TLE5: variants seen among roughly 807,000 people sequenced by gnomAD.
The protein encoded by TLE5 is TLE family member 5.
A neutral mutation model predicts 25.8 loss-of-function variants in TLE5; 7 were observed. The ratio of observed to expected loss-of-function variants is 0.27; its 90% CI spans 0.15 to 0.51. The LOEUF (loss-of-function observed/expected upper bound fraction) is 0.51, where lower values mean the gene tolerates loss of function less well. Among genes scored for constraint, TLE5 ranks in the 20% least tolerant of loss-of-function variants. The pLI is 0.97. For synonymous variants in TLE5, 132 were observed against 110.5 expected, an observed-to-expected ratio of 1.20 and a Z score of -1.22; for missense variants, 149 against 250.7, an observed-to-expected ratio of 0.59 and a Z score of 2.74.
rs180907880 is a variant in TLE5, at chr19:3,056,339, G to A, written c.207C>T (p.Tyr69=). The A allele has an allele frequency of 2.0e-5, 29 of 1,445,674 alleles. No individual in the cohort carries two copies. In the East Asian group the frequency reaches 3.2e-4, roughly 16 times the overall value. The allele number at this position is 1,445,674 out of a possible 1,614,324, so 89.6% of individuals were successfully genotyped here. A position where few individuals can be genotyped will look rare whatever the true frequency, so the allele number is the denominator to read the frequency against. The part of the protein sequence containing the change: ...RHYVMYYEMS[Y]GLNIEMHKQA... ...GTTTGTGCATCTCGATGTTCAAGCC[G>A]TAGGACATCTCGTAGTACTGTATGG... The change falls in exon 4 of 7, where the codon TAC becomes TAT. Residue 69 remains tyrosine, a synonymous_variant. Transcript: ENST00000327141.
chr19:3,056,218 C>T (rs530811499), intron 4 of TLE5, 94 bp downstream of exon 4: 22 of 888,042 alleles, frequency 2.5e-5, no homozygotes, highest in Middle Eastern at 7.1e-4. Context: ...GAGGGCCGGC[C>T]GCTACCTGCC....
intron 6 of TLE5, 34 bp downstream of exon 6, chr19:3,054,086 T>TCGGGGGCCCC: frequency 2.0e-6 from 3 of 1,512,812 alleles, no homozygotes; most frequent in Non-Finnish European, 2.7e-6. Context: ...GGCCCACCTG[T>TCGGGGGCCCC]CCCCCGCCCA....
chr19:3,055,976 G>A, intron 4 of TLE5: 1 of 531,098 alleles, frequency 1.9e-6, no homozygotes, highest in South Asian at 2.7e-5. Flanking sequence ...AGGCCAGACT[G>A]CACATTCCTC....
intron 3 of TLE5, chr19:3,057,397 C>T: frequency 2.2e-6 from 1 of 458,024 alleles, no homozygotes; most frequent in Non-Finnish European, 4.0e-6. Flanking sequence ...GCCGGTGAGC[C>T]TCCCTCTCCT....
rs2090190380 is a variant in TLE5 at position 3,053,419 on chromosome 19, G to T, written c.*400C>A. 2.0e-5 allele frequency: 4 copies of T among 201,332 alleles called. No individual in the cohort carries two copies. The highest frequency in any genetic ancestry group is 9.3e-5 in the African/African-American group (4 of 42,964). 12.5% of individuals were successfully genotyped at this position (201,332 alleles called of 1,614,324 possible). On this transcript the variant is annotated 3_prime_UTR_variant, in exon 7 of 7. Transcript: ENST00000327141. ...GGGAAAGGGGCAGCTAGCATTGCGT[G>T]CATGCAGTACCAGGGTGAGAGGGCT...
Position 3,061,154 on chromosome 19 carries a change from G to A in TLE5, c.125+6C>T, listed in dbSNP as rs2145266457. 6.2e-7 allele frequency: 1 copy of A among 1,609,064 alleles called. No individual in the cohort carries two copies. Among genetic ancestry groups the A allele is most frequent in the East Asian group, 2.2e-5 (1 of 44,842 alleles). ...GGACGCAGGGACCCCCAGTCCCCCA[G>A]CTCACCTGTGGTACTGAGCTTGCAG... On this transcript the variant is annotated splice_donor_region_variant and intron_variant, in intron 2 of 6. Transcript: ENST00000327141.
intron 1 of TLE5, among the ~76,000 whole-genome samples, chr19:3,061,825 C>T (rs2090271368): frequency 6.9e-6 from 1 of 145,854 alleles, no homozygotes; most frequent in African/African-American, 2.5e-5. Context: ...CCTCGCGGGG[C>T]TTCCGGAGCG....
intron 3 of TLE5, chr19:3,057,372 C>T: frequency 2.4e-6 from 1 of 412,148 alleles, no homozygotes; most frequent in East Asian, 4.9e-5. Flanking sequence ...CAGTTCCTGG[C>T]TGTTGGCTTT....
chr19:3,055,797 G>T (rs2090211973), intron 4 of TLE5, 71 bp from the exon 5 acceptor site: 1 of 1,495,170 alleles, frequency 6.7e-7, no homozygotes. Context: ...CAGGAGGCCT[G>T]CGCGGGGCCC....
rs2090187793 is a variant in TLE5, at chr19:3,053,104, A to C, written c.*715T>G. ...TTTAATATCCCCTTTCTTAAAAGAC[A>C]AGCTAGTATACTGGAAAAAGAAAAA... On this transcript the variant is annotated 3_prime_UTR_variant, in exon 7 of 7. Transcript: ENST00000327141. 1.3e-5 allele frequency: 2 copies of C among 151,676 alleles called. No homozygotes were observed. The highest frequency in any genetic ancestry group is 4.8e-5 in the African/African-American group (2 of 41,304). 9.4% of individuals were successfully genotyped at this position (151,676 alleles called of 1,614,324 possible).
chr19:3,059,192 C>T (rs2090244089), intron 2 of TLE5, among the ~76,000 whole-genome samples: 1 of 152,056 alleles, frequency 6.6e-6, no homozygotes, highest in African/African-American at 2.4e-5. Context: ...TTAAAATGTG[C>T]ATTTGTTGCT....
At chr19:3,055,801 G>A (rs760273955) in intron 4 of TLE5, 75 bp from the exon 5 acceptor site, 18 of 1,474,602 alleles carry the variant, frequency 1.2e-5, no homozygotes, top group Admixed American at 4.2e-5. Context: ...AGGCCTGCGC[G>A]GGGCCCGGCC....
At position 3,055,466 on chromosome 19, in the gene TLE5, C is replaced by T. The variant is rs570430702; in HGVS notation, c.297+198G>A. The T allele has an allele frequency of 2.0e-3, 824 of 407,418 alleles. No individual in the cohort carries two copies. The highest frequency in any genetic ancestry group is 2.9e-3 in the Non-Finnish European group (676 of 231,784). 25.2% of individuals were successfully genotyped at this position (407,418 alleles called of 1,614,324 possible). On this transcript the variant is annotated intron_variant, in intron 5 of 6. Coordinates refer to ENST00000327141, the MANE Select transcript of TLE5 (RefSeq NM_001130.6). ...AGCAGGGTGAGGCCCGCCCCCCACA[C>T]GCCTGCACCCCTGGAGTGTCTCTGG... is the stretch of plus-strand genomic sequence containing the variant.
upstream of TLE5, chr19:3,062,641 G>T (rs1023714098): frequency 8.2e-5 from 99 of 1,203,316 alleles, no homozygotes; most frequent in Non-Finnish European, 9.6e-5. Flanking sequence ...GCCCGCCGCG[G>T]TGACCTTGGG....
At chr19:3,056,582 G>A in intron 3 of TLE5, 1 of 665,062 alleles carries the variant, frequency 1.5e-6, no homozygotes, top group South Asian at 1.5e-5. Flanking sequence ...GGCCGCTGGG[G>A]CTGCGGATGG....
intron 1 of TLE5, among the ~76,000 whole-genome samples, chr19:3,061,968 G>A (rs1247151389): frequency 7.6e-6 from 1 of 131,486 alleles, no homozygotes; most frequent in Non-Finnish European, 1.7e-5. Context: ...ACTGGAGGGG[G>A]GGTGTCCGGG....
chr19:3,056,267 G>A (rs1318665856), intron 4 of TLE5, 45 bp downstream of exon 4: 11 of 1,392,334 alleles, frequency 7.9e-6, no homozygotes, highest in Non-Finnish European at 9.7e-7. Context: ...GGGGGGAGGA[G>A]GGGGAAGGAG....
intron 1 of TLE5, 51 bp from the exon 2 acceptor site, chr19:3,061,308 C>A (rs570327889): frequency 4.5e-5 from 66 of 1,457,268 alleles, no homozygotes; most frequent in East Asian, 2.5e-4. Flanking sequence ...CTGGACCCCC[C>A]TCAAGGGCCG....
chr19:3,057,827 G>A, intron 2 of TLE5, 85 bp from the exon 3 acceptor site: 5 of 1,278,854 alleles, frequency 3.9e-6, no homozygotes, highest in Non-Finnish European at 5.6e-6. Context: ...GGAGGAAACT[G>A]AGGCTCCAAG....
Sources: gnomAD v4.1 joint callset for allele counts (sites outside exome capture counted in the v4.1 genomes callset) on GRCh38, gnomAD v4.1.1 for gene constraint, MANE v1.5 for transcripts, NCBI Gene and HGNC (gene_info 2026-07-23, HGNC 2026-07-21) for gene names.